Variants in CCT2 observed in about 807,000 individuals in gnomAD.
CCT2 encodes the protein T-complex protein 1 subunit beta.
Under a neutral mutation model 61.8 loss-of-function variants are expected in CCT2, and 18 were observed. The ratio of observed to expected loss-of-function variants is 0.29; its 90% confidence interval spans 0.20 to 0.43. CCT2 has a LOEUF of 0.43. Ranked by LOEUF, CCT2 falls within the 20% of genes least tolerant of loss-of-function variation. CCT2 has a pLI of 1.00. For missense variants in CCT2, 556 were observed against 656.9 expected (o/e 0.85, Z 1.68); for synonymous variants, 248 against 215.9 (o/e 1.15, Z -1.30).
At chr12:69,600,050 A>T (rs1464397451) in intron 15 of CCT2, 46 bp downstream of exon 15, 6 of 1,521,472 alleles carry the variant, frequency 3.9e-6, no homozygotes, top group Non-Finnish European at 5.4e-6. Context: ...AGCAAAACAA[A>T]ATAGGGAGCT....
At chr12:69,586,732 T>G in intron 2 of CCT2, 21 bp from the exon 3 acceptor site, 1 of 1,548,618 alleles carries the variant, frequency 6.5e-7, no homozygotes, top group Non-Finnish European at 8.8e-7. Flanking sequence ...ATTCTGATAA[T>G]CTCCTTGGTT....
rs200734351 is a variant in CCT2 at position 69,599,855 on chromosome 12, C to T, written c.1436-8C>T. On this transcript the variant is annotated splice_region_variant and splice_polypyrimidine_tract_variant and intron_variant, in intron 14 of 15. Coordinates refer to ENST00000299300, the MANE Select transcript of CCT2 (RefSeq NM_006431.3). ...ACTGCTTTTTAGTAAATTTGTTTTT[C>T]TTTGCAGATATGAGGGAAGGCACCA... The T allele has an allele frequency of 2.6e-5, 41 of 1,592,150 alleles. No individual in the cohort carries two copies. The African/African-American group carries it at 3.7e-4, about 14-fold the overall frequency.
chr12:69,594,715 C>T (rs1419501308), intron 10 of CCT2, among the ~76,000 whole-genome samples: 1 of 152,004 alleles, frequency 6.6e-6, no homozygotes, highest in African/African-American at 2.4e-5. Context: ...GGCGTGGTGG[C>T]ACATGCCTGT....
intron 8 of CCT2, chr12:69,592,568 A>G (rs12307699): frequency 0.051 from 9,235 of 182,184 alleles, 935 homozygotes; most frequent in African/African-American, 0.2. Flanking sequence ...GTATGAATCT[A>G]TTGTGTATAT....
At chr12:69,590,824 C>G (rs1430663887) in intron 7 of CCT2, among the ~76,000 whole-genome samples, 1 of 151,058 alleles carries the variant, frequency 6.6e-6, no homozygotes, top group Non-Finnish European at 1.5e-5. Context: ...TAAGGCGATT[C>G]TCCTGCCTCA....
chr12:69,592,048 A>G lies in CCT2; in HGVS notation c.650-11A>G, dbSNP rs768273732. 2 of 1,470,220 alleles carry G rather than the reference A, an allele frequency of 1.4e-6. No individual in the cohort carries two copies. The highest frequency in any genetic ancestry group is 1.9e-6 in the Non-Finnish European group (2 of 1,051,304). 91.1% of individuals were successfully genotyped at this position (1,470,220 alleles called of 1,614,324 possible). Reference sequence around the variant, plus strand: ...GTATTAAATATGATACTGTTCTTATATTTATTGTAGGCTTCCTGTTGGATA... The same window carrying G: ...GTATTAAATATGATACTGTTCTTATGTTTATTGTAGGCTTCCTGTTGGATA... On this transcript the variant is annotated splice_polypyrimidine_tract_variant and intron_variant, in intron 7 of 15. Coordinates refer to ENST00000299300, the MANE Select transcript of CCT2 (RefSeq NM_006431.3).
chr12:69,593,701 G>C, intron 10 of CCT2, 88 bp downstream of exon 10: 1 of 732,988 alleles, frequency 1.4e-6, no homozygotes, highest in Non-Finnish European at 2.3e-6. Context: ...CCTTTAAGGA[G>C]TTTAGAATTT....
chr12:69,600,470 A>G (rs1882117055), intron 15 of CCT2, among the ~76,000 whole-genome samples: 1 of 152,248 alleles, frequency 6.6e-6, no homozygotes, highest in Non-Finnish European at 1.5e-5. Flanking sequence ...TTTAGAGATC[A>G]GGTATCTTTT....
At position 69,597,652 on chromosome 12, in the gene CCT2, A is replaced by G. The variant is rs1385150339; in HGVS notation, c.1117A>G (p.Ile373Val). 6.2e-7 allele frequency: 1 copy of G among 1,613,562 alleles called. No individual in the cohort carries two copies. The highest frequency in any genetic ancestry group is 2.2e-5 in the East Asian group (1 of 44,872). Residue 373 changes from isoleucine to valine, a missense_variant, in exon 12 of 16, where the codon ATT becomes GTT. Ile to Val is a conservative substitution (Grantham distance 29). Transcript: ENST00000299300. ...TTTAATTTTAGGTGAGGCTTGTACC[A>G]TTGTTTTGCGTGGTGCCACTCAACA... is the stretch of plus-strand genomic sequence containing the variant. Reference protein sequence around the residue: ...SGVALGEACTIVLRGATQQIL... With the variant: ...SGVALGEACTVVLRGATQQIL...
chr12:69,592,140 T>C lies in CCT2; in HGVS notation c.731T>C (p.Met244Thr). 1 of 1,569,324 alleles carries C rather than the reference T, an allele frequency of 6.4e-7. No individual in the cohort carries two copies. The highest frequency in any genetic ancestry group is 8.8e-7 in the Non-Finnish European group (1 of 1,139,702). ...NAKILIANTG[M>T]DTDKIKIFGS... Reference sequence around the variant, plus strand: ...AAAATTCTTATTGCAAATACTGGTATGGATACAGACAAAATAAAGGTATGT... The same window carrying C: ...AAAATTCTTATTGCAAATACTGGTACGGATACAGACAAAATAAAGGTATGT... Residue 244 changes from methionine (M) to threonine (T), a missense_variant, in exon 8 of 16, where the codon ATG (methionine) becomes ACG (threonine). Physicochemically the swap from Met to Thr is moderately conservative, Grantham distance 81 (BLOSUM62 -1). Coordinates refer to ENST00000299300, the MANE Select transcript of CCT2 (RefSeq NM_006431.3).
At position 69,601,203 on chromosome 12, in the gene CCT2, C is replaced by T. The variant is rs1468252670; in HGVS notation, c.1578-92C>T. ...TTGCAGAGTTATAACAGTTTTAATACAGGATTCTAGTTGTGTTTGTATTTA... is the reference window on the plus strand; with the variant it reads ...TTGCAGAGTTATAACAGTTTTAATATAGGATTCTAGTTGTGTTTGTATTTA... On this transcript the variant is annotated intron_variant, in intron 15 of 15. Transcript: ENST00000299300. The T allele has an allele frequency of 2.9e-6, 3 of 1,037,876 alleles. No individual in the cohort carries two copies. The Admixed American group carries it at 7.2e-5, about 25-fold the overall frequency. The allele number at this position is 1,037,876 out of a possible 1,614,324, so 64.3% of individuals were successfully genotyped here. A position where few individuals can be genotyped will look rare whatever the true frequency, so the allele number is the denominator to read the frequency against.
At chr12:69,593,638 T>A in intron 10 of CCT2, 25 bp downstream of exon 10, 1 of 1,358,184 alleles carries the variant, frequency 7.4e-7, no homozygotes, top group Non-Finnish European at 1.1e-6. Flanking sequence ...TATTGTTTTC[T>A]AACAAACACA....
chr12:69,590,167 G>A (rs1881791451), intron 7 of CCT2, among the ~76,000 whole-genome samples: 1 of 152,136 alleles, frequency 6.6e-6, no homozygotes, highest in Non-Finnish European at 1.5e-5. Context: ...ATGTGCAACC[G>A]AACGTGGATG....
chr12:69,595,931 G>A (rs1478132115), intron 10 of CCT2, among the ~76,000 whole-genome samples: 1 of 152,158 alleles, frequency 6.6e-6, no homozygotes, highest in Non-Finnish European at 1.5e-5. Flanking sequence ...CTTGCACTGG[G>A]CATGGTGGCA....
intron 5 of CCT2, 26 bp from the exon 6 acceptor site, chr12:69,588,124 C>A (rs369233373): frequency 6.3e-7 from 1 of 1,582,806 alleles, no homozygotes; most frequent in African/African-American, 1.4e-5. Flanking sequence ...CTATTTATAA[C>A]TTTTGTTTTA....
rs781185243 is a variant in CCT2, at chr12:69,587,958, T to C, written c.285T>C (p.Val95=). 6.2e-7 allele frequency: 1 copy of C among 1,613,654 alleles called. No individual in the cohort carries two copies. The highest frequency in any genetic ancestry group is 1.1e-5 in the South Asian group (1 of 91,074). The change falls in exon 5 of 16, where the codon GTT becomes GTC. Residue 95 remains valine (V), a synonymous_variant. Transcript: ENST00000299300. ...TGTCAAGGGTTCAAGATGATGAAGT[T>C]GGTGATGGCACTACCTCTGTTACCG... The part of the protein sequence containing the change: ...VDMSRVQDDE[V]GDGTTSVTVL...
intron 10 of CCT2, among the ~76,000 whole-genome samples, chr12:69,596,952 A>G (rs1882008002): frequency 6.6e-6 from 1 of 152,210 alleles, no homozygotes; most frequent in Non-Finnish European, 1.5e-5. Context: ...TGGGATAATA[A>G]TGGAGCCTAT....
chr12:69,587,064 G>A (rs1343626909), intron 3 of CCT2: 1 of 402,636 alleles, frequency 2.5e-6, no homozygotes, highest in East Asian at 4.0e-5. Flanking sequence ...GTAGAAGTAT[G>A]TGTACTTCAT....
intron 7 of CCT2, among the ~76,000 whole-genome samples, chr12:69,590,234 A>T (rs1450977225): frequency 6.6e-6 from 1 of 152,188 alleles, no homozygotes; most frequent in Non-Finnish European, 1.5e-5. Context: ...CAGCTTTTCA[A>T]ATCTGCTGGT....
Sources: allele counts gnomAD v4.1 joint callset (sites outside exome capture counted in the v4.1 genomes callset), GRCh38; gene constraint gnomAD v4.1.1; transcripts MANE v1.5; gene names NCBI Gene and HGNC (gene_info 2026-07-23, HGNC 2026-07-21).